NUP214: variants seen among roughly 807,000 people sequenced by gnomAD.
NUP214 encodes nucleoporin 214.
NUP214 carries 79 observed loss-of-function variants against 196.2 expected under a neutral mutation model. The observed-to-expected ratio is 0.40, with a 90% CI of 0.34 to 0.49. The LOEUF is 0.49. NUP214 is among the 20% of genes least tolerant of loss of function. The probability of loss-of-function intolerance (pLI) is 0.58; values close to 1 mark genes in which losing one functional copy is unlikely to be tolerated. For synonymous variants in NUP214, 1,020 were observed against 990.5 expected, an observed-to-expected ratio of 1.03 and a Z score of -0.56; for missense variants, 2,468 against 2,539.0, an observed-to-expected ratio of 0.97 and a Z score of 0.60.
chr9:131,231,829 A>T lies in NUP214; in HGVS notation c.6215-455A>T, dbSNP rs115542152. Among the ~76,000 whole-genome samples the T allele has an allele frequency of 4.4e-3, 668 of 151,414 alleles. 8 individuals are homozygous for T. Among genetic ancestry groups the T allele is most frequent in the African/African-American group, 0.016 (650 of 41,312 alleles). On this transcript the variant is annotated intron_variant, in intron 34 of 35. Transcript: ENST00000359428. ...GAACTAAGTGTTAGCAGTTAGCAGTAGAACCAGGCCTAGAATCCAGCCATC... is the reference window on the plus strand; with the variant it reads ...GAACTAAGTGTTAGCAGTTAGCAGTTGAACCAGGCCTAGAATCCAGCCATC...
chr9:131,156,864 C>T (rs1256968414), intron 17 of NUP214, among the ~76,000 whole-genome samples: 3 of 152,156 alleles, frequency 2.0e-5, no homozygotes, highest in African/African-American at 7.2e-5. Flanking sequence ...TTTGAAAATA[C>T]ATTTAAACAT....
At position 131,196,032 on chromosome 9, in the gene NUP214, C is replaced by G. The variant is rs995518109; in HGVS notation, c.3721+738C>G. On this transcript the variant is annotated intron_variant, in intron 28 of 35. Coordinates refer to ENST00000359428, the MANE Select transcript of NUP214 (RefSeq NM_005085.4). Reference sequence around the variant, plus strand: ...AGAGTGAAACTCTGTGTGTCCCCCCCCCCCCCCGCGCCAAAAAATCCATCA... The same window carrying G: ...AGAGTGAAACTCTGTGTGTCCCCCCGCCCCCCCGCGCCAAAAAATCCATCA... Among the ~76,000 whole-genome samples the G allele has an allele frequency of 1.1e-3, 39 of 34,638 alleles. 15 individuals are homozygous for G. The South Asian group carries it at 0.054, about 48-fold the overall frequency. The allele number at this position is 34,638 out of a possible 152,430, so 22.7% of individuals were successfully genotyped here.
intron 29 of NUP214, 57 bp from the exon 30 acceptor site, chr9:131,201,590 T>G: frequency 1.5e-6 from 2 of 1,319,124 alleles, no homozygotes; most frequent in Non-Finnish European, 1.1e-6. Flanking sequence ...AAAACTTTAA[T>G]GTTGTAAAAG....
In NUP214 at chr9:131,146,085, C is replaced by A. The variant is rs1266642372; in HGVS notation, c.1770-44C>A. On this transcript the variant is annotated intron_variant, in intron 12 of 35. Coordinates refer to ENST00000359428, the MANE Select transcript of NUP214 (RefSeq NM_005085.4). The surrounding 1 kb of genome is among the most constrained non-coding windows in gnomAD (Gnocchi z 4.6). ...ATTGCTCATGCTAGTGTAAAAGAAT[C>A]TTCTAGCAGGCTCTTCTGAGGCCTT... is the stretch of plus-strand genomic sequence containing the variant. 6.4e-7 allele frequency: 1 copy of A among 1,573,916 alleles called. No homozygotes were observed. Among genetic ancestry groups the A allele is most frequent in the East Asian group, 2.2e-5 (1 of 44,610 alleles).
rs765752194 is a variant in NUP214 at position 131,136,047 on chromosome 9, T to G, written c.1005+41T>G. The G allele has an allele frequency of 2.7e-6, 4 of 1,481,470 alleles. No homozygotes were observed. In the Admixed American group the frequency reaches 6.9e-5, roughly 26 times the overall value. 91.8% of individuals were successfully genotyped at this position (1,481,470 alleles called of 1,614,324 possible). On this transcript the variant is annotated intron_variant, in intron 9 of 35. Coordinates refer to ENST00000359428, the MANE Select transcript of NUP214 (RefSeq NM_005085.4). Reference sequence around the variant, plus strand: ...GTCACTTCTGTGGTGCTTTCTTTTTTAAATTATTATTTTGAGACAGTCTCG... The same window carrying G: ...GTCACTTCTGTGGTGCTTTCTTTTTGAAATTATTATTTTGAGACAGTCTCG...
chr9:131,189,089 A>C lies in NUP214; in HGVS notation c.3532A>C (p.Thr1178Pro). The change falls in exon 26 of 36, where the codon ACA (threonine) becomes CCA (proline). Residue 1178 changes from threonine to proline, a missense_variant. By Grantham distance (38) the Thr-to-Pro change is conservative. This residue lies in a region of NUP214 where 1,801 missense variants were observed against 1,779.4 expected (regional missense o/e 1.01). Coordinates refer to ENST00000359428, the MANE Select transcript of NUP214 (RefSeq NM_005085.4). Reference sequence around the variant, plus strand: ...AAATTCCCTTAAGCCATCTGGGCCTACACCAGCATCCGGTCAGTTATCATC... The same window carrying C: ...AAATTCCCTTAAGCCATCTGGGCCTCCACCAGCATCCGGTCAGTTATCATC... The part of the protein sequence containing the change: ...LINSLKPSGP[T>P]PASGQLSSGD... The C allele has an allele frequency of 6.2e-7, 1 of 1,614,128 alleles. No individual in the cohort carries two copies. The highest frequency in any genetic ancestry group is 8.5e-7 in the Non-Finnish European group (1 of 1,179,958).
intron 30 of NUP214, among the ~76,000 whole-genome samples, chr9:131,210,553 G>C (rs1834211282): frequency 6.6e-6 from 1 of 150,744 alleles, no homozygotes; most frequent in African/African-American, 2.4e-5. Context: ...CTTGAACCCA[G>C]GAGGCAGAGG....
At chr9:131,144,229 A>T in intron 11 of NUP214, 51 bp from the exon 12 acceptor site, 1 of 1,356,266 alleles carries the variant, frequency 7.4e-7, no homozygotes, top group Non-Finnish European at 1.0e-6. Context: ...TATTATGTGA[A>T]CCTCCACTGT....
intron 28 of NUP214, among the ~76,000 whole-genome samples, chr9:131,196,558 A>G (rs1430661306): frequency 6.6e-6 from 1 of 152,226 alleles, no homozygotes; most frequent in Non-Finnish European, 1.5e-5. Flanking sequence ...CAATGAAGGT[A>G]GGTATTGTAA....
Position 131,201,825 on chromosome 9 carries a change from G to A in NUP214, c.5592+108G>A, listed in dbSNP as rs1173870820. ...TGTATATCTAAATCCAGCAAATATAGCCCTGTGTGGTTCTTAAGCTGTACT... is the reference window on the plus strand; with the variant it reads ...TGTATATCTAAATCCAGCAAATATAACCCTGTGTGGTTCTTAAGCTGTACT... On this transcript the variant is annotated intron_variant, in intron 30 of 35. Coordinates refer to ENST00000359428, the MANE Select transcript of NUP214 (RefSeq NM_005085.4). 1.3e-5 allele frequency: 12 copies of A among 937,030 alleles called. No individual in the cohort carries two copies. In the East Asian group the frequency reaches 2.9e-4, roughly 23 times the overall value. The allele number at this position is 937,030 out of a possible 1,614,324, so 58.0% of individuals were successfully genotyped here.
At chr9:131,140,324 C>G (rs1237961607) in intron 10 of NUP214, among the ~76,000 whole-genome samples, 4 of 152,120 alleles carry the variant, frequency 2.6e-5, no homozygotes, top group Non-Finnish European at 5.9e-5. Flanking sequence ...GATGGAGCTT[C>G]TAGGCAGGGC....
chr9:131,218,252 G>T (rs1045626064), intron 31 of NUP214, among the ~76,000 whole-genome samples: 1 of 152,170 alleles, frequency 6.6e-6, no homozygotes, highest in South Asian at 2.1e-4. Flanking sequence ...GGTACTAGGT[G>T]TATGATTCAA....
At chr9:131,207,111 A>G (rs117630424) in intron 30 of NUP214, among the ~76,000 whole-genome samples, 276 of 152,358 alleles carry the variant, frequency 1.8e-3, no homozygotes, top group Non-Finnish European at 3.1e-3. Flanking sequence ...TAGGATGTAA[A>G]AGAATATAGA....
intron 33 of NUP214, chr9:131,229,859 TA>T (rs779142012): frequency 2.2e-6 from 1 of 463,522 alleles, no homozygotes; most frequent in African/African-American, 2.0e-5. Context: ...GAGTTTTAGA[TA>T]CTTTTTCTTG....
In NUP214 at chr9:131,133,194, G is replaced by A. The variant is rs1163402474; in HGVS notation, c.816G>A (p.Val272=). 2 of 1,580,442 alleles carry A rather than the reference G, an allele frequency of 1.3e-6. No homozygotes were observed. Among genetic ancestry groups the A allele is most frequent in the Non-Finnish European group, 1.7e-6 (2 of 1,167,794 alleles). The stretch of plus-strand genomic sequence containing the variant: ...CCCTGGAAACGTCTCCAGATGTGGT[G>A]ATGGCTCTACTACCGGTATGCCTGT... ...DGTLETSPDV[V]MALLPKKEEK... is the part of the protein sequence containing the mutation. Residue 272 remains valine (V), a synonymous_variant, in exon 7 of 36, where the codon GTG becomes GTA. Transcript: ENST00000359428.
chr9:131,166,140 A>G (rs1007817027), intron 21 of NUP214, among the ~76,000 whole-genome samples: 9 of 152,348 alleles, frequency 5.9e-5, no homozygotes, highest in Middle Eastern at 3.4e-3. Flanking sequence ...AATTTTAAAA[A>G]TTGGAAAAAA....
chr9:131,189,815 T>C (rs1022741896), intron 26 of NUP214: 4 of 152,520 alleles, frequency 2.6e-5, no homozygotes, highest in Non-Finnish European at 5.9e-5. Flanking sequence ...TATTATAGCC[T>C]ACCTAATTTG....
At position 131,197,770 on chromosome 9, in the gene NUP214, A is replaced by C; in HGVS notation, c.4276A>C (p.Ser1426Arg). Reference protein sequence around the residue: ...VTSAGSSGVISFGGTSLSAGK... With the variant: ...VTSAGSSGVIRFGGTSLSAGK... ...CAGTGCAGGATCCTCTGGGGTCATC[A>C]GTTTTGGTGGGACATCTCTAAGTGC... Residue 1426 changes from serine (S) to arginine (R), a missense_variant, in exon 29 of 36, where the codon AGT becomes CGT. By Grantham distance (110) the Ser-to-Arg change is moderately radical. Around this residue, in one of 5 missense-constraint regions of NUP214, gnomAD observed 1,801 missense variants for 1,779.4 expected, o/e 1.01. Transcript: ENST00000359428. The C allele has an allele frequency of 6.2e-7, 1 of 1,614,216 alleles. No homozygotes were observed. The highest frequency in any genetic ancestry group is 1.1e-5 in the South Asian group (1 of 91,090).
chr9:131,156,840 G>T (rs1393877454), intron 17 of NUP214, among the ~76,000 whole-genome samples: 1 of 152,086 alleles, frequency 6.6e-6, no homozygotes, highest in Non-Finnish European at 1.5e-5. Context: ...GTCTGTGCCA[G>T]CTACACAAAT....
Sources: allele counts gnomAD v4.1 joint callset (sites outside exome capture counted in the v4.1 genomes callset), GRCh38; gene constraint gnomAD v4.1.1; regional missense constraint gnomAD v4.1.1; non-coding constraint Gnocchi (gnomAD v3.1); transcripts MANE v1.5; gene names NCBI Gene and HGNC (gene_info 2026-07-23, HGNC 2026-07-21).